Variants in UGGT2 observed in about 807,000 individuals in gnomAD.
The protein encoded by UGGT2 is UDP-glucose glycoprotein glucosyltransferase 2, also known as UDP-glucose:glycoprotein glucosyltransferase 2.
In UGGT2, 180 loss-of-function variants were observed where a neutral mutation model predicts 192.1. That is an observed-to-expected ratio of 0.94 (90% CI 0.83 to 1.06). The LOEUF is 1.06. UGGT2 is among the 50% of genes least tolerant of loss of function. The probability of loss-of-function intolerance (pLI) is 0.00; values close to 1 mark genes in which losing one functional copy is unlikely to be tolerated. For missense variants in UGGT2, 1,849 were observed against 1,795.7 expected, an observed-to-expected ratio of 1.03 and a Z score of -0.54; for synonymous variants, 580 against 591.0, an observed-to-expected ratio of 0.98 and a Z score of 0.27.
chr13:95,977,474 C>T (rs2050975480), intron 10 of UGGT2, among the ~76,000 whole-genome samples: 1 of 152,100 alleles, frequency 6.6e-6, no homozygotes, highest in Admixed American at 6.6e-5. Flanking sequence ...TAGAGAAATG[C>T]AAATCAAAAC....
At chr13:95,966,962 T>A (rs966790580) in intron 12 of UGGT2, among the ~76,000 whole-genome samples, 1 of 152,210 alleles carries the variant, frequency 6.6e-6, no homozygotes, top group Non-Finnish European at 1.5e-5. Context: ...TAATACTCGA[T>A]TGTGTGAATG....
At chr13:95,826,941 CATAAT>C (rs1886110512) in intron 38 of UGGT2, among the ~76,000 whole-genome samples, 1 of 151,928 alleles carries the variant, frequency 6.6e-6, no homozygotes, top group African/African-American at 2.4e-5. Flanking sequence ...GATATTAAAA[CATAAT>C]ATAAGTCCTT....
chr13:95,867,012 C>T (rs1890728168), intron 30 of UGGT2, among the ~76,000 whole-genome samples: 1 of 152,056 alleles, frequency 6.6e-6, no homozygotes, highest in South Asian at 2.1e-4. Flanking sequence ...AAAAACAGCA[C>T]CTTCTCTTTT....
intron 17 of UGGT2, among the ~76,000 whole-genome samples, chr13:95,928,281 G>A (rs1028795423): frequency 6.6e-6 from 1 of 151,776 alleles, no homozygotes; most frequent in Admixed American, 6.6e-5. Context: ...GGACGGGGCG[G>A]CTGGCCGGGC....
chr13:95,885,697 G>C (rs1017909123), intron 26 of UGGT2, among the ~76,000 whole-genome samples: 1 of 152,194 alleles, frequency 6.6e-6, no homozygotes, highest in Admixed American at 6.5e-5. Flanking sequence ...AAAATAAAAA[G>C]AGGAGAAACA....
At chr13:96,030,410 T>C (rs1238523516) in intron 2 of UGGT2, among the ~76,000 whole-genome samples, 1 of 152,222 alleles carries the variant, frequency 6.6e-6, no homozygotes, top group Admixed American at 6.5e-5. Context: ...CAGCATTTCT[T>C]ATGACTAAAA....
At chr13:96,038,552 T>C (rs9590356) in intron 1 of UGGT2, among the ~76,000 whole-genome samples, 7,892 of 152,216 alleles carry the variant, frequency 0.052, 359 homozygotes, top group East Asian at 0.15. Flanking sequence ...ACGCCATGTT[T>C]GTACTGGGCT....
intron 12 of UGGT2, among the ~76,000 whole-genome samples, chr13:95,953,840 G>C (rs1332837399): frequency 6.6e-6 from 1 of 152,160 alleles, no homozygotes; most frequent in East Asian, 1.9e-4. Context: ...AAAGAGGTCA[G>C]TTTGAAGGGA....
At chr13:96,026,659 C>CTTTTTTTTTTTTT (rs71211702) in intron 2 of UGGT2, among the ~76,000 whole-genome samples, 2 of 101,536 alleles carry the variant, frequency 2.0e-5, no homozygotes, top group East Asian at 2.8e-4. Context: ...TTTCACTCTT[C>CTTTTTTTTTTTTT]TTTTTTTTTT....
At chr13:95,888,424 A>G (rs1948187651) in intron 25 of UGGT2, among the ~76,000 whole-genome samples, 1 of 152,190 alleles carries the variant, frequency 6.6e-6, no homozygotes, top group Admixed American at 6.5e-5. Flanking sequence ...CTGGATAGTA[A>G]GAAGTAGAGG....
At chr13:95,817,327 G>A (rs1487802212) in intron 38 of UGGT2, among the ~76,000 whole-genome samples, 2 of 152,202 alleles carry the variant, frequency 1.3e-5, no homozygotes, top group Admixed American at 6.5e-5. Flanking sequence ...CCTCAGGCCT[G>A]TAATCCCAGC....
chr13:95,921,349 G>GAAA (rs35149342), intron 20 of UGGT2, among the ~76,000 whole-genome samples: 9 of 134,832 alleles, frequency 6.7e-5, no homozygotes, highest in East Asian at 2.1e-4. Flanking sequence ...TCTTAAAGTT[G>GAAA]AAAAAAAAAA....
chr13:96,031,116 T>C (rs182530539), intron 2 of UGGT2, among the ~76,000 whole-genome samples: 186 of 152,300 alleles, frequency 1.2e-3, no homozygotes, highest in South Asian at 1.9e-3. Context: ...GTGAGGGATG[T>C]TGATAACAGG....
chr13:95,925,431 A>G (rs551987713), intron 20 of UGGT2, among the ~76,000 whole-genome samples: 1 of 152,170 alleles, frequency 6.6e-6, no homozygotes, highest in Non-Finnish European at 1.5e-5. Flanking sequence ...TTTGTAATCA[A>G]TATGTGGTAT....
chr13:96,050,899 T>C (rs1209850043), intron 1 of UGGT2, among the ~76,000 whole-genome samples: 1 of 152,210 alleles, frequency 6.6e-6, no homozygotes, highest in African/African-American at 2.4e-5. Flanking sequence ...GTAAACTAGT[T>C]CAACCATTGT....
intron 18 of UGGT2, 39 bp downstream of exon 18, chr13:95,927,174 C>CT (rs753724534): frequency 1.2e-6 from 2 of 1,607,378 alleles, no homozygotes; most frequent in South Asian, 2.2e-5. Flanking sequence ...GAATTCACAA[C>CT]TCAATAAACA....
intron 38 of UGGT2, among the ~76,000 whole-genome samples, chr13:95,806,926 G>A (rs868318967): frequency 1.3e-5 from 2 of 151,982 alleles, no homozygotes; most frequent in African/African-American, 2.4e-5. Context: ...AAACTATAGC[G>A]CTCTTAGAAG....
At chr13:96,025,618 G>A (rs894034139) in intron 2 of UGGT2, among the ~76,000 whole-genome samples, 2 of 152,138 alleles carry the variant, frequency 1.3e-5, no homozygotes, top group African/African-American at 4.8e-5. Flanking sequence ...CAGTTATAAA[G>A]TCTTTCAGCT....
At chr13:95,948,512 A>G (rs914657354) in intron 13 of UGGT2, among the ~76,000 whole-genome samples, 2 of 152,188 alleles carry the variant, frequency 1.3e-5, no homozygotes, top group African/African-American at 4.8e-5. Context: ...TGCAAAAAAT[A>G]TCTTATTCAT....
Sources: gnomAD v4.1 joint callset for allele counts (sites outside exome capture counted in the v4.1 genomes callset) on GRCh38, gnomAD v4.1.1 for gene constraint, MANE v1.5 for transcripts, NCBI Gene and HGNC (gene_info 2026-07-23, HGNC 2026-07-21) for gene names.